CCDC3: variants seen among roughly 807,000 people sequenced by gnomAD.
The protein encoded by CCDC3 is coiled-coil domain containing 3.
CCDC3 carries 24 observed loss-of-function variants against 21.4 expected under a neutral mutation model. The observed-to-expected ratio is 1.12, with a 90% CI of 0.81 to 1.58. The LOEUF (loss-of-function observed/expected upper bound fraction) is 1.58, where lower values mean the gene tolerates loss of function less well. CCDC3 is among the 40% of genes most tolerant of loss of function. The pLI, the probability that CCDC3 is intolerant of heterozygous loss-of-function variation, is 0.00. For missense variants in CCDC3, 425 were observed against 360.9 expected (o/e 1.18, Z -1.44); for synonymous variants, 186 against 166.0 (o/e 1.12, Z -0.93).
intron 2 of CCDC3, among the ~76,000 whole-genome samples, chr10:12,904,917 G>C (rs911437255): frequency 6.6e-6 from 1 of 152,070 alleles, no homozygotes; most frequent in African/African-American, 2.4e-5. Context: ...TAGCAAGTTT[G>C]TATCAAGCTA....
chr10:12,986,081 G>A (rs1447615230), intron 2 of CCDC3, among the ~76,000 whole-genome samples: 5 of 152,156 alleles, frequency 3.3e-5, no homozygotes, highest in Admixed American at 6.6e-5. Flanking sequence ...GATTACAGGC[G>A]TGAGCCACCG....
At chr10:12,925,650 C>T (rs768137272) in intron 2 of CCDC3, among the ~76,000 whole-genome samples, 32 of 152,232 alleles carry the variant, frequency 2.1e-4, no homozygotes, top group Non-Finnish European at 3.8e-4. Context: ...TGGAGTCACA[C>T]AGAATAAACT....
At chr10:13,076,803 C>G (rs1307480492) in intron 3 of CCDC3, among the ~76,000 whole-genome samples, 1 of 152,156 alleles carries the variant, frequency 6.6e-6, no homozygotes, top group Non-Finnish European at 1.5e-5. Flanking sequence ...TTGCTTTCAC[C>G]TATTTAGAGA....
At chr10:13,068,500 G>A (rs1836847324) in intron 4 of CCDC3, among the ~76,000 whole-genome samples, 1 of 152,036 alleles carries the variant, frequency 6.6e-6, no homozygotes, top group Non-Finnish European at 1.5e-5. Flanking sequence ...AAAGATTATT[G>A]GTAAAATGTA....
chr10:13,006,481 C>A (rs758265055), upstream of CCDC3, among the ~76,000 whole-genome samples: 1 of 152,208 alleles, frequency 6.6e-6, no homozygotes, highest in Non-Finnish European at 1.5e-5. Context: ...GATGTGATAA[C>A]TATCGCCACT....
At chr10:12,976,817 T>C (rs1835424216) in intron 2 of CCDC3, among the ~76,000 whole-genome samples, 1 of 104,758 alleles carries the variant, frequency 9.5e-6, no homozygotes, top group South Asian at 3.8e-4. Flanking sequence ...CCATAGAATG[T>C]ACAATACCAA....
intron 2 of CCDC3, among the ~76,000 whole-genome samples, chr10:12,921,448 C>T (rs1301453024): frequency 6.6e-6 from 1 of 152,208 alleles, no homozygotes; most frequent in Non-Finnish European, 1.5e-5. Context: ...CATTGGTGCC[C>T]TCTGATGAAC....
chr10:12,934,318 T>C (rs1589012330), intron 2 of CCDC3, among the ~76,000 whole-genome samples: 1 of 152,254 alleles, frequency 6.6e-6, no homozygotes, highest in East Asian at 1.9e-4. Flanking sequence ...GCAGATATTA[T>C]ATGATCTCTA....
chr10:13,011,571 CATAG>C (rs1360122339), intron 5 of CCDC3, among the ~76,000 whole-genome samples: 1 of 152,120 alleles, frequency 6.6e-6, no homozygotes, highest in African/African-American at 2.4e-5. Flanking sequence ...ATTCCATGCT[CATAG>C]ATAGAAAGAA....
At chr10:12,979,713 C>T (rs745626999) in intron 2 of CCDC3, among the ~76,000 whole-genome samples, 12 of 152,142 alleles carry the variant, frequency 7.9e-5, no homozygotes, top group Admixed American at 7.9e-4. Flanking sequence ...AACACAGATG[C>T]TCTGGTGACT....
intron 2 of CCDC3, among the ~76,000 whole-genome samples, chr10:12,936,009 T>G (rs756401409): frequency 5.3e-5 from 8 of 151,996 alleles, no homozygotes; most frequent in Non-Finnish European, 7.3e-5. Flanking sequence ...CAAACTTATC[T>G]GTCAGATCAA....
intron 2 of CCDC3, among the ~76,000 whole-genome samples, chr10:12,904,668 G>C (rs1834144759): frequency 6.6e-6 from 1 of 151,892 alleles, no homozygotes; most frequent in Non-Finnish European, 1.5e-5. Flanking sequence ...TCTTTACCCG[G>C]AGCCTCCACC....
At chr10:12,920,617 C>T (rs1399574864) in intron 2 of CCDC3, among the ~76,000 whole-genome samples, 1 of 152,166 alleles carries the variant, frequency 6.6e-6, no homozygotes, top group African/African-American at 2.4e-5. Flanking sequence ...CTTTTAATGG[C>T]AAACTTTAAA....
At chr10:12,995,453 G>A (rs191714814) in intron 2 of CCDC3, among the ~76,000 whole-genome samples, 295 of 152,300 alleles carry the variant, frequency 1.9e-3, no homozygotes, top group Middle Eastern at 6.8e-3. Context: ...TGTTGGCCAG[G>A]CCGGTCTTAA....
intron 3 of CCDC3, among the ~76,000 whole-genome samples, chr10:13,076,936 T>C (rs999753774): frequency 3.3e-5 from 5 of 152,190 alleles, no homozygotes; most frequent in South Asian, 2.1e-4. Context: ...CCCATTCCCT[T>C]TGAAAACTGG....
At chr10:13,075,230 T>C (rs1836947970) in intron 3 of CCDC3, among the ~76,000 whole-genome samples, 1 of 152,238 alleles carries the variant, frequency 6.6e-6, no homozygotes, top group South Asian at 2.1e-4. Context: ...GTGCATAAAG[T>C]GCCTTTGCTT....
intron 5 of CCDC3, among the ~76,000 whole-genome samples, chr10:13,030,187 C>T (rs191116389): frequency 3.3e-5 from 5 of 152,206 alleles, no homozygotes; most frequent in African/African-American, 1.2e-4. Context: ...AGCTAACATT[C>T]AACATTCTTA....
At chr10:12,914,976 T>C (rs989389026) in intron 2 of CCDC3, among the ~76,000 whole-genome samples, 5 of 152,236 alleles carry the variant, frequency 3.3e-5, no homozygotes, top group South Asian at 2.1e-4. Flanking sequence ...TTTATTGTTA[T>C]AAACTTCTCT....
At position 13,080,900 on chromosome 10, in the gene CCDC3, G is replaced by A. The variant is rs541344142; in HGVS notation, c.-502-6800C>T. On this transcript the variant is annotated intron_variant, in intron 3 of 6. Transcript: ENST00000378839. ...CTAGGGTTGGCCGGGTGAGTCACAAGGCCCCTCATCCCCAAGGCCGAAACG... is the reference window on the plus strand; with the variant it reads ...CTAGGGTTGGCCGGGTGAGTCACAAAGCCCCTCATCCCCAAGGCCGAAACG... Among the ~76,000 whole-genome samples the A allele has an allele frequency of 1.1e-4, 16 of 152,374 alleles. No homozygotes were observed. The East Asian group carries it at 3.1e-3, about 29-fold the overall frequency.
Sources: allele counts gnomAD v4.1 joint callset (sites outside exome capture counted in the v4.1 genomes callset), GRCh38; gene constraint gnomAD v4.1.1; transcripts MANE v1.5; gene names NCBI Gene and HGNC (gene_info 2026-07-23, HGNC 2026-07-21).